DNAH17: variants seen among roughly 807,000 people sequenced by gnomAD.
DNAH17 encodes dynein axonemal heavy chain 17.
DNAH17 carries 376 observed loss-of-function variants against 485.6 expected under a neutral mutation model. That is an observed-to-expected ratio of 0.77 (90% CI 0.71 to 0.84). The LOEUF (loss-of-function observed/expected upper bound fraction) is 0.84. Ranked by LOEUF, DNAH17 falls within the 40% of genes least tolerant of loss-of-function variation. The pLI is 0.00. For synonymous variants in DNAH17, 3,031 were observed against 2,405.9 expected, an observed-to-expected ratio of 1.26 and a Z score of -7.60; for missense variants, 6,370 against 5,839.3, an observed-to-expected ratio of 1.09 and a Z score of -2.96.
At chr17:78,477,972 CCATCAT>C (rs779113099) in intron 51 of DNAH17, among the ~76,000 whole-genome samples, 6 of 138,322 alleles carry the variant, frequency 4.3e-5, no homozygotes, top group South Asian at 2.2e-4. Flanking sequence ...ATCACCACCA[CCATCAT>C]CATCACCACC....
intron 26 of DNAH17, among the ~76,000 whole-genome samples, 187 bp downstream of exon 26, chr17:78,514,587 C>T (rs2090729035): frequency 6.6e-6 from 1 of 152,110 alleles, no homozygotes; most frequent in African/African-American, 2.4e-5. Flanking sequence ...GCCTGCCCCA[C>T]CACCCCCAAC....
chr17:78,558,868 C>T lies in DNAH17; in HGVS notation c.2032-614G>A, dbSNP rs541707261. ...AAGCTATTCTCAAAGTTGAGATAAC[C>T]TCCATATTGCTGAATCCACTGGTCA... On this transcript the variant is annotated intron_variant, in intron 13 of 80. Transcript: ENST00000389840. Among the ~76,000 whole-genome samples, 3 of 152,330 alleles carry T rather than the reference C, an allele frequency of 2.0e-5. No homozygotes were observed. The South Asian group carries it at 6.2e-4, about 32-fold the overall frequency.
At position 78,459,134 on chromosome 17, in the gene DNAH17, G is replaced by A. The variant is rs764535911; in HGVS notation, c.9728C>T (p.Ser3243Phe). Reference protein sequence around the residue: ...SKSTAAAGLCSWCINIVRFYE... With the variant: ...SKSTAAAGLCFWCINIVRFYE... ...GAAGCGGACGATGTTGATGCACCAG[G>A]AGCACAGGCCGGCGGCGGCCGTGGA... Residue 3243 changes from serine (S) to phenylalanine (F), a missense_variant, in exon 61 of 81, where the codon TCC becomes TTC. Ser to Phe is a radical substitution (Grantham distance 155, BLOSUM62 -2). Transcript: ENST00000389840. 12 of 1,614,022 alleles carry A rather than the reference G, an allele frequency of 7.4e-6. No homozygotes were observed. Among genetic ancestry groups the A allele is most frequent in the Non-Finnish European group, 1.0e-5 (12 of 1,179,900 alleles).
rs529339411 is a variant in DNAH17 at position 78,427,121 on chromosome 17, C to T, written c.12589-13G>A. ...GCACGGCCTTCACCTGGAAGCCAGT[C>T]CCCGGACAGCCCCTGTCACTGCAAA... On this transcript the variant is annotated splice_polypyrimidine_tract_variant and intron_variant, in intron 77 of 80. Coordinates refer to ENST00000389840, the MANE Select transcript of DNAH17 (RefSeq NM_173628.4). 1 of 1,560,178 alleles carries T rather than the reference C, an allele frequency of 6.4e-7. No individual in the cohort carries two copies. The highest frequency in any genetic ancestry group is 1.4e-5 in the African/African-American group (1 of 73,444).
At chr17:78,450,914 A>G in intron 66 of DNAH17, 68 bp from the exon 67 acceptor site, 1 of 1,573,854 alleles carries the variant, frequency 6.4e-7, no homozygotes, top group Non-Finnish European at 8.7e-7. Flanking sequence ...GGCCTCCCTC[A>G]GGTGGCCATG....
chr17:78,425,647 G>A lies in DNAH17; in HGVS notation c.12916-76C>T, dbSNP rs8069809. On this transcript the variant is annotated intron_variant, in intron 79 of 80. Coordinates refer to ENST00000389840, the MANE Select transcript of DNAH17 (RefSeq NM_173628.4). ...AACGACCGGGCCTTGGCCGTTCTGAGCAGGGGTCACGCCAGAACCTTCCAC... is the reference window on the plus strand; with the variant it reads ...AACGACCGGGCCTTGGCCGTTCTGAACAGGGGTCACGCCAGAACCTTCCAC... The A allele has an allele frequency of 2.9e-3, 3,958 of 1,366,360 alleles. 56 individuals are homozygous for A. The African/African-American group carries it at 0.037, about 13-fold the overall frequency. The allele number at this position is 1,366,360 out of a possible 1,614,324, so 84.6% of individuals were successfully genotyped here. A position where few individuals can be genotyped will look rare whatever the true frequency, so the allele number is the denominator to read the frequency against.
intron 25 of DNAH17, 83 bp downstream of exon 25, chr17:78,524,926 T>G: frequency 6.6e-7 from 1 of 1,516,040 alleles, no homozygotes; most frequent in Non-Finnish European, 8.9e-7. Context: ...AACCAAAGGG[T>G]GCCCAGAGCC....
rs11651537 is a variant in DNAH17, at chr17:78,532,708, A to C, written c.2888T>G (p.Ile963Arg). 1.9e-6 allele frequency: 3 copies of C among 1,591,374 alleles called. No homozygotes were observed. In the Admixed American group the frequency reaches 5.3e-5, roughly 28 times the overall value. The stretch of plus-strand genomic sequence containing the variant: ...GCTGGACACCTCCTCCCTCATCTCT[A>C]TGAGGTCTGTGTTATCTTCCAGGTC... ...KMDLEDNTDL[I>R]EMREEVSSLV... Residue 963 changes from isoleucine (I) to arginine (R), a missense_variant, in exon 20 of 81, where the codon ATA becomes AGA. Physicochemically the swap from Ile to Arg is moderately conservative, Grantham distance 97. Coordinates refer to ENST00000389840, the MANE Select transcript of DNAH17 (RefSeq NM_173628.4).
In DNAH17 at chr17:78,526,870, G is replaced by T; in HGVS notation, c.3624+10C>A. 1 of 1,567,006 alleles carries T rather than the reference G, an allele frequency of 6.4e-7. No individual in the cohort carries two copies. Among genetic ancestry groups the T allele is most frequent in the Non-Finnish European group, 8.7e-7 (1 of 1,155,096 alleles). ...CCGGAAATCCCGCCACCCTGCCCCA[G>T]GTATAATACCTCGAATTGCTGGCAT... On this transcript the variant is annotated intron_variant, in intron 23 of 80. Transcript: ENST00000389840.
At chr17:78,576,959 G>A (rs954547305) in intron 1 of DNAH17, among the ~76,000 whole-genome samples, 3 of 152,284 alleles carry the variant, frequency 2.0e-5, no homozygotes, top group African/African-American at 2.4e-5. Flanking sequence ...GGGCAGAGAC[G>A]GCTTCTCTGG....
chr17:78,484,739 A>ACCCCCCTGCTCCCCCCCCCCC, intron 48 of DNAH17, 129 bp downstream of exon 48: 1 of 347,798 alleles, frequency 2.9e-6, no homozygotes, highest in Non-Finnish European at 4.6e-6. Flanking sequence ...ACGTTGCAGC[A>ACCCCCCTGCTCCCCCCCCCCC]CCCCCCCCAC....
intron 48 of DNAH17, 129 bp downstream of exon 48, chr17:78,484,739 A>ACCCCCCAGGCCGCCCCCC: frequency 2.9e-6 from 1 of 347,798 alleles, no homozygotes; most frequent in Non-Finnish European, 4.6e-6. Flanking sequence ...ACGTTGCAGC[A>ACCCCCCAGGCCGCCCCCC]CCCCCCCCAC....
rs564517631 is a variant in DNAH17, at chr17:78,424,114, G to A, written c.13181C>T (p.Ala4394Val). The change falls in exon 81 of 81, where the codon GCG (alanine) becomes GTG (valine). Residue 4394 changes from alanine to valine, a missense_variant. Transcript: ENST00000389840. Reference protein sequence around the residue: ...WDTQTGVIAEARLKELTPAMP... With the variant: ...WDTQTGVIAEVRLKELTPAMP... ...GGCCGGGGTCAGCTCTTTCAGCCGC[G>A]CTTCAGCGATGACTCCAGTCTGGGT... 9.4e-5 allele frequency: 151 copies of A among 1,613,604 alleles called. 1 individual carries two copies. The highest frequency in any genetic ancestry group is 8.5e-4 in the South Asian group (77 of 91,084).
At chr17:78,572,341 T>TGTC (rs2092371100) in intron 3 of DNAH17, among the ~76,000 whole-genome samples, 1 of 152,196 alleles carries the variant, frequency 6.6e-6, no homozygotes, top group Admixed American at 6.5e-5. Context: ...TCACTGACCC[T>TGTC]GTCCCACATC....
chr17:78,574,863 G>A lies in DNAH17; in HGVS notation c.195C>T (p.Cys65=), dbSNP rs916827603. 2 of 1,613,910 alleles carry A rather than the reference G, an allele frequency of 1.2e-6. No homozygotes were observed. Among genetic ancestry groups the A allele is most frequent in the Non-Finnish European group, 1.7e-6 (2 of 1,179,900 alleles). ...TLNAAGMIIP[C]LGFPQSLKSK... is the part of the protein sequence containing the mutation. The stretch of plus-strand genomic sequence containing the variant: ...ACTTGAGGGACTGGGGGAAGCCCAG[G>A]CAGGGTATGATCATGCCGGCTGCAT... Residue 65 remains cysteine (C), a synonymous_variant, in exon 2 of 81, where the codon TGC becomes TGT. Transcript: ENST00000389840.
rs1262488415 is a variant in DNAH17 at position 78,572,734 on chromosome 17, C to T, written c.506G>A (p.Gly169Asp). Reference sequence around the variant, plus strand: ...GGACTCCAGCGTGCCATCCAGGCTGCCCAGGTGCTCCGGAATAGGCAGCAA... The same window carrying T: ...GGACTCCAGCGTGCCATCCAGGCTGTCCAGGTGCTCCGGAATAGGCAGCAA... ...KTLLPIPEHL[G>D]SLDGTLESME... Residue 169 changes from glycine (G) to aspartate (D), a missense_variant, in exon 3 of 81, where the codon GGC becomes GAC. Gly to Asp is a moderately conservative substitution (Grantham distance 94). Transcript: ENST00000389840. 1.2e-6 allele frequency: 2 copies of T among 1,611,212 alleles called. No homozygotes were observed. Among genetic ancestry groups the T allele is most frequent in the Non-Finnish European group, 1.7e-6 (2 of 1,178,882 alleles).
intron 23 of DNAH17, 34 bp from the exon 24 acceptor site, chr17:78,526,771 C>A (rs191317661): frequency 1.3e-6 from 2 of 1,578,314 alleles, no homozygotes; most frequent in South Asian, 2.3e-5. Context: ...CAGAGAGTCA[C>A]GGGGCGGCCA....
At chr17:78,457,030 A>T (rs1297033590) in intron 62 of DNAH17, among the ~76,000 whole-genome samples, 2 of 152,226 alleles carry the variant, frequency 1.3e-5, no homozygotes, top group African/African-American at 4.8e-5. Flanking sequence ...GGGGCTCCCA[A>T]ACACTGGGAC....
chr17:78,490,872 G>T (rs555710552), intron 43 of DNAH17, 25 bp from the exon 44 acceptor site: 2 of 1,568,542 alleles, frequency 1.3e-6, no homozygotes, highest in Non-Finnish European at 1.7e-6. Context: ...GCAGCCCGTG[G>T]GGTCCTAAGG....
Sources: allele counts gnomAD v4.1 joint callset (sites outside exome capture counted in the v4.1 genomes callset), GRCh38; gene constraint gnomAD v4.1.1; transcripts MANE v1.5; gene names NCBI Gene and HGNC (gene_info 2026-07-23, HGNC 2026-07-21).